Variants in DPYD observed in about 807,000 individuals in gnomAD.
The protein encoded by DPYD is dihydropyrimidine dehydrogenase [NADP(+)].
A neutral mutation model predicts 116.2 loss-of-function variants in DPYD; 109 were observed. That is an observed-to-expected ratio of 0.94 (90% CI 0.80 to 1.10). DPYD has a LOEUF of 1.10. Ranked by LOEUF, DPYD falls within the 50% of genes least tolerant of loss-of-function variation. The pLI is 0.00. For missense variants in DPYD, 1,302 were observed against 1,254.5 expected, an observed-to-expected ratio of 1.04 and a Z score of -0.57; for synonymous variants, 440 against 432.0, an observed-to-expected ratio of 1.02 and a Z score of -0.23.
At chr1:97,224,331 T>TAAAAA in intron 19 of DPYD, among the ~76,000 whole-genome samples, 1 of 152,062 alleles carries the variant, frequency 6.6e-6, no homozygotes, top group Middle Eastern at 3.2e-3. Flanking sequence ...CAGATTACTC[T>TAAAAA]CTAGCTAATT....
intron 1 of DPYD, among the ~76,000 whole-genome samples, chr1:97,905,196 TCTAA>T (rs1673549660): frequency 6.6e-6 from 1 of 152,014 alleles, no homozygotes; most frequent in African/African-American, 2.4e-5. Context: ...AATATGCACC[TCTAA>T]CTATTTGCTC....
intron 6 of DPYD, among the ~76,000 whole-genome samples, chr1:97,695,538 C>G (rs1243413280): frequency 6.6e-6 from 1 of 150,986 alleles, no homozygotes; most frequent in African/African-American, 2.4e-5. Flanking sequence ...GCCTTGTTTA[C>G]TTTTATGCTC....
intron 3 of DPYD, among the ~76,000 whole-genome samples, chr1:97,766,137 A>C (rs926124948): frequency 1.3e-5 from 2 of 152,154 alleles, no homozygotes; most frequent in Non-Finnish European, 2.9e-5. Flanking sequence ...GCTACTCAGG[A>C]GACTGAGGCA....
At chr1:97,640,136 T>C (rs1314443101) in intron 8 of DPYD, among the ~76,000 whole-genome samples, 1 of 152,164 alleles carries the variant, frequency 6.6e-6, no homozygotes, top group African/African-American at 2.4e-5. Context: ...TGAAGTCAAG[T>C]TACGTAGTGA....
At chr1:97,443,357 T>A (rs1475866998) in intron 14 of DPYD, among the ~76,000 whole-genome samples, 2 of 152,220 alleles carry the variant, frequency 1.3e-5, no homozygotes, top group African/African-American at 4.8e-5. Flanking sequence ...TAAGTATATA[T>A]TGACTCTAGA....
At chr1:97,696,302 C>G (rs1661302807) in intron 6 of DPYD, among the ~76,000 whole-genome samples, 2 of 152,028 alleles carry the variant, frequency 1.3e-5, no homozygotes, top group East Asian at 3.9e-4. Context: ...ATGGTAAACT[C>G]AGGAAGAGAA....
chr1:97,277,787 C>T (rs1203998805), intron 18 of DPYD, among the ~76,000 whole-genome samples: 1 of 152,174 alleles, frequency 6.6e-6, no homozygotes, highest in Admixed American at 6.6e-5. Context: ...ACACAACAGC[C>T]ATGGTGCCCA....
At chr1:97,518,762 G>C (rs748889143) in intron 12 of DPYD, among the ~76,000 whole-genome samples, 86 of 152,064 alleles carry the variant, frequency 5.7e-4, no homozygotes, top group Non-Finnish European at 1.0e-3. Flanking sequence ...AATGGGGATA[G>C]GTTCCATAAT....
chr1:97,096,950 C>T (rs932628165), intron 21 of DPYD, among the ~76,000 whole-genome samples: 4 of 152,060 alleles, frequency 2.6e-5, no homozygotes, highest in Admixed American at 6.6e-5. Flanking sequence ...TCGAAGTCAG[C>T]GAGACCATGA....
chr1:97,414,745 C>T (rs1021162581), intron 14 of DPYD, among the ~76,000 whole-genome samples: 5 of 152,134 alleles, frequency 3.3e-5, no homozygotes, highest in Admixed American at 6.5e-5. Flanking sequence ...TTTCTAGGTG[C>T]GAAATAGGGT....
At chr1:97,129,184 C>T (rs828051) in intron 20 of DPYD, among the ~76,000 whole-genome samples, 49,297 of 151,566 alleles carry the variant, frequency 0.33, 8,417 homozygotes, top group Middle Eastern at 0.42. Context: ...CTGCCTCAGC[C>T]TTGCAAGTAG....
Position 97,450,167 on chromosome 1 carries a change from C to T in DPYD, c.1797G>A (p.Met599Ile). The change falls in exon 14 of 23, where the codon ATG becomes ATA. Residue 599 changes from methionine (M) to isoleucine (I), a missense_variant. Physicochemically the swap from Met to Ile is conservative, Grantham distance 10. Transcript: ENST00000370192. ...RIIRGTTSGPMYGPGQSSFLN... is the reference protein window; with the variant it reads ...RIIRGTTSGPIYGPGQSSFLN... Reference sequence around the variant, plus strand: ...GAAAGGAGCTTTGTCCAGGGCCATACATGGGGCCAGAGGTGGTTCCCCGGA... The same window carrying T: ...GAAAGGAGCTTTGTCCAGGGCCATATATGGGGCCAGAGGTGGTTCCCCGGA... 2 of 1,613,926 alleles carry T rather than the reference C, an allele frequency of 1.2e-6. No homozygotes were observed. Among genetic ancestry groups the T allele is most frequent in the African/African-American group, 1.3e-5 (1 of 75,044 alleles).
intron 2 of DPYD, among the ~76,000 whole-genome samples, chr1:97,845,849 C>T (rs1220336797): frequency 6.6e-6 from 1 of 152,192 alleles, no homozygotes; most frequent in Non-Finnish European, 1.5e-5. Context: ...CCCTCATCCA[C>T]GTGTGGGTGC....
chr1:97,889,139 A>C (rs1672650804), intron 1 of DPYD, among the ~76,000 whole-genome samples: 1 of 152,110 alleles, frequency 6.6e-6, no homozygotes, highest in African/African-American at 2.4e-5. Context: ...CCTAGGCAAC[A>C]AGAGTGAAAC....
chr1:97,279,635 G>C (rs944575432), intron 18 of DPYD, among the ~76,000 whole-genome samples: 1 of 152,050 alleles, frequency 6.6e-6, no homozygotes, highest in Non-Finnish European at 1.5e-5. Context: ...CTCAGCCTCC[G>C]AGTAGCTGGG....
Position 97,546,718 on chromosome 1 carries a change from G to C in DPYD, c.1524+2842C>G. 5 of 1,613,206 alleles carry C rather than the reference G, an allele frequency of 3.1e-6. No individual in the cohort carries two copies. The South Asian group carries it at 3.3e-5, about 11-fold the overall frequency. ...TACACTAAAAGATACAGAGGAAGTA[G>C]AGCTGAAGTTTCCTGCACCAGGCAA... On this transcript the variant is annotated intron_variant, in intron 12 of 22. Transcript: ENST00000370192.
chr1:97,332,906 T>C (rs1669089199), intron 16 of DPYD, among the ~76,000 whole-genome samples: 1 of 152,200 alleles, frequency 6.6e-6, no homozygotes, highest in South Asian at 2.1e-4. Context: ...GCAGTGAGGG[T>C]ATGTGAATGA....
intron 20 of DPYD, among the ~76,000 whole-genome samples, chr1:97,179,518 T>C (rs187221474): frequency 6.6e-6 from 1 of 152,198 alleles, no homozygotes; most frequent in East Asian, 1.9e-4. Context: ...ACAAACGAAA[T>C]GCTTTAAAGA....
chr1:97,814,719 C>T (rs1668492999), intron 3 of DPYD, among the ~76,000 whole-genome samples: 2 of 151,888 alleles, frequency 1.3e-5, no homozygotes, highest in African/African-American at 4.8e-5. Context: ...GCCTGGCCAA[C>T]ATGGTGAAAC....
Sources: allele counts gnomAD v4.1 joint callset (sites outside exome capture counted in the v4.1 genomes callset), GRCh38; gene constraint gnomAD v4.1.1; transcripts MANE v1.5; gene names NCBI Gene and HGNC (gene_info 2026-07-23, HGNC 2026-07-21).